SLC4A5: variants seen among roughly 807,000 people sequenced by gnomAD.
The protein encoded by SLC4A5 is electrogenic sodium bicarbonate cotransporter 4.
A neutral mutation model predicts 120.4 loss-of-function variants in SLC4A5; 96 were observed. The observed-to-expected ratio is 0.80, with a 90% CI of 0.68 to 0.94. The LOEUF (loss-of-function observed/expected upper bound fraction) is 0.94. Ranked by LOEUF, SLC4A5 falls within the 40% of genes least tolerant of loss-of-function variation. The pLI is 0.00. For synonymous variants in SLC4A5, 550 were observed against 571.1 expected (o/e 0.96, Z 0.53); for missense variants, 1,259 against 1,459.5 (o/e 0.86, Z 2.24).
At chr2:74,316,782 G>C (rs575470800) in intron 5 of SLC4A5, among the ~76,000 whole-genome samples, 18 of 152,128 alleles carry the variant, frequency 1.2e-4, no homozygotes, top group Non-Finnish European at 2.5e-4. Flanking sequence ...CCAACCCCCT[G>C]CTCCATAAGC....
intron 6 of SLC4A5, 131 bp downstream of exon 6, chr2:74,314,814 G>A (rs1672912426): frequency 1.3e-6 from 1 of 793,758 alleles, no homozygotes; most frequent in Non-Finnish European, 2.2e-6. Context: ...CAGCCTCAAG[G>A]AGACACTGTG....
At chr2:74,282,242 G>A (rs1342319011) in intron 8 of SLC4A5, among the ~76,000 whole-genome samples, 1 of 152,196 alleles carries the variant, frequency 6.6e-6, no homozygotes, top group Non-Finnish European at 1.5e-5. Context: ...ACCTTGGAGA[G>A]TTATCTGGAA....
chr2:74,335,249 A>G (rs1189787804), intron 3 of SLC4A5, among the ~76,000 whole-genome samples: 1 of 152,186 alleles, frequency 6.6e-6, no homozygotes, highest in Admixed American at 6.5e-5. Context: ...CAGTCTCTCT[A>G]CTTAAGCAAG....
At chr2:74,223,299 G>A (rs56208981) in intron 28 of SLC4A5, among the ~76,000 whole-genome samples, 14,468 of 152,122 alleles carry the variant, frequency 0.095, 1,117 homozygotes, top group East Asian at 0.34. Context: ...GCCACCGCGC[G>A]TGGCCAACAA....
At chr2:74,251,461 ATTTTCTTTAAAAAAAAAAAAAG>A (rs1670787282) in intron 16 of SLC4A5, among the ~76,000 whole-genome samples, 1 of 151,060 alleles carries the variant, frequency 6.6e-6, no homozygotes, top group South Asian at 2.1e-4. Context: ...ACTTTCTCTT[ATTTTCTTTAAAAAAAAAAAAAG>A]TTTTTGAATA....
At chr2:74,342,179 C>G (rs1293702929) in intron 2 of SLC4A5, among the ~76,000 whole-genome samples, 2 of 152,230 alleles carry the variant, frequency 1.3e-5, no homozygotes, top group African/African-American at 2.4e-5. Flanking sequence ...AATGATAACA[C>G]TGGAGAACAC....
chr2:74,291,084 G>A (rs1573068292), intron 7 of SLC4A5, among the ~76,000 whole-genome samples: 2 of 152,144 alleles, frequency 1.3e-5, no homozygotes, highest in Admixed American at 6.5e-5. Flanking sequence ...AGCAGTGCTC[G>A]ATAATGTGCT....
chr2:74,310,283 C>T (rs1194171050), intron 6 of SLC4A5, among the ~76,000 whole-genome samples: 1 of 152,130 alleles, frequency 6.6e-6, no homozygotes, highest in Non-Finnish European at 1.5e-5. Flanking sequence ...AAACTATATA[C>T]ATTTATTTCC....
At chr2:74,230,315 G>C (rs1285675942) in intron 25 of SLC4A5, among the ~76,000 whole-genome samples, 1 of 152,178 alleles carries the variant, frequency 6.6e-6, no homozygotes, top group African/African-American at 2.4e-5. Context: ...GGAACACCTT[G>C]CTTTCTGGAG....
intron 10 of SLC4A5, among the ~76,000 whole-genome samples, chr2:74,263,360 A>G (rs1034415100): frequency 2.0e-5 from 3 of 152,358 alleles, no homozygotes; most frequent in Admixed American, 6.5e-5. Flanking sequence ...TGCTGGGATT[A>G]CAGGTGTGGG....
chr2:74,280,380 C>T (rs1369280291), intron 8 of SLC4A5, among the ~76,000 whole-genome samples: 1 of 152,168 alleles, frequency 6.6e-6, no homozygotes, highest in Non-Finnish European at 1.5e-5. Context: ...TACCAAATGC[C>T]CCCTTATTTG....
chr2:74,299,167 A>G (rs1573076438), intron 7 of SLC4A5, among the ~76,000 whole-genome samples: 2 of 152,158 alleles, frequency 1.3e-5, no homozygotes, highest in African/African-American at 4.8e-5. Context: ...CCTGACCAAC[A>G]TGGAGAAACC....
chr2:74,252,359 C>T, exon 16 of SLC4A5: 1 of 1,613,740 alleles, frequency 6.2e-7, no homozygotes, highest in Non-Finnish European at 8.5e-7. Context: ...ATTCATCTGG[C>T]CCAGCTCTGC....
intron 8 of SLC4A5, 125 bp from the exon 9 acceptor site, chr2:74,265,389 G>T: frequency 8.9e-7 from 1 of 1,128,994 alleles, no homozygotes; most frequent in Non-Finnish European, 1.3e-6. Flanking sequence ...GTTGGTCCCA[G>T]ACTCACAGGC....
chr2:74,306,498 C>T (rs1429152328), intron 6 of SLC4A5, among the ~76,000 whole-genome samples: 1 of 152,224 alleles, frequency 6.6e-6, no homozygotes, highest in Non-Finnish European at 1.5e-5. Flanking sequence ...CAAAGTAAAA[C>T]TGTCTTTGAC....
chr2:74,251,448 A>G (rs192395888), intron 16 of SLC4A5, among the ~76,000 whole-genome samples: 139 of 152,180 alleles, frequency 9.1e-4, no homozygotes, highest in African/African-American at 3.2e-3. Context: ...CCAGGCCAGG[A>G]GAACTTTCTC....
chr2:74,286,022 C>G (rs1573062878), intron 7 of SLC4A5, 120 bp from the exon 8 acceptor site: 2 of 1,185,172 alleles, frequency 1.7e-6, no homozygotes, highest in East Asian at 6.1e-5. Flanking sequence ...TTCTGTAAAA[C>G]TAAGTCCAGC....
intron 4 of SLC4A5, 119 bp from the exon 5 acceptor site, chr2:74,328,305 C>T (rs1038239276): frequency 8.7e-6 from 4 of 459,518 alleles, no homozygotes; most frequent in Non-Finnish European, 1.1e-5. Flanking sequence ...GGGGGAGGGA[C>T]GCTCCTGCAG....
chr2:74,238,804 T>C (rs908791647), intron 21 of SLC4A5, among the ~76,000 whole-genome samples: 4 of 152,306 alleles, frequency 2.6e-5, no homozygotes, highest in African/African-American at 9.6e-5. Context: ...GAAAGTTTGA[T>C]ATATTCAATT....
Sources: gnomAD v4.1 joint callset for allele counts (sites outside exome capture counted in the v4.1 genomes callset) on GRCh38, gnomAD v4.1.1 for gene constraint, MANE v1.5 for transcripts, NCBI Gene and HGNC (gene_info 2026-07-23, HGNC 2026-07-21) for gene names.